CELF2: variants seen among roughly 807,000 people sequenced by gnomAD.
CELF2 encodes CUGBP Elav-like family member 2, also known as CUG triplet repeat RNA-binding protein 2.
CELF2 carries 8 observed loss-of-function variants against 62.6 expected under a neutral mutation model. The ratio of observed to expected loss-of-function variants is 0.13; its 90% CI spans 0.07 to 0.23. The LOEUF (loss-of-function observed/expected upper bound fraction) is 0.23. Among genes scored for constraint, CELF2 ranks in the 10% least tolerant of loss-of-function variants. CELF2 has a pLI of 1.00. For missense variants in CELF2, 333 were observed against 671.0 expected, an observed-to-expected ratio of 0.50 and a Z score of 5.56; for synonymous variants, 258 against 250.0, an observed-to-expected ratio of 1.03 and a Z score of -0.30.
rs1291892 is a variant in CELF2 at position 11,008,828 on chromosome 10, C to T, written c.53+3388C>T. Reference sequence around the variant, plus strand: ...TTTCTTTGTATGGAGATTTCTGTAACAGTCATTAACAGAATGCAGTTTGTT... The same window carrying T: ...TTTCTTTGTATGGAGATTTCTGTAATAGTCATTAACAGAATGCAGTTTGTT... On this transcript the variant is annotated intron_variant, in intron 1 of 12. Coordinates refer to the CELF2 transcript ENST00000416382. This position sits in a 1 kb window ranked among gnomAD's most constrained non-coding sequence, Gnocchi z 4.5. Among the ~76,000 whole-genome samples the T allele has an allele frequency of 0.075, 11,471 of 152,140 alleles. 1,473 individuals carry two copies. The highest frequency in any genetic ancestry group is 0.26 in the African/African-American group (10,814 of 41,436).
rs2094907626 is a variant in CELF2, at chr10:11,315,644, C to T, written c.1096+1386C>T. Among the ~76,000 whole-genome samples, 1 of 152,200 alleles carries T rather than the reference C, an allele frequency of 6.6e-6. No individual in the cohort carries two copies. The highest frequency in any genetic ancestry group is 2.1e-4 in the South Asian group (1 of 4,838). On this transcript the variant is annotated intron_variant, in intron 10 of 12. Coordinates refer to ENST00000633077, the MANE Select transcript of CELF2 (RefSeq NM_001326342.2). This position sits in a 1 kb window ranked among gnomAD's most constrained non-coding sequence, Gnocchi z 5.8. ...TGGACCGAGCTTTAGCTGACCATACCTCCCAAATGGGACGGCTCGTGATTA... is the reference window on the plus strand; with the variant it reads ...TGGACCGAGCTTTAGCTGACCATACTTCCCAAATGGGACGGCTCGTGATTA...
chr10:11,292,668 G>A (rs115722244), intron 9 of CELF2, among the ~76,000 whole-genome samples: 6 of 152,088 alleles, frequency 3.9e-5, no homozygotes, highest in African/African-American at 1.4e-4. Context: ...GGGACAGACA[G>A]GTGGACAAAG....
At chr10:11,307,966 G>T (rs1243752675) in intron 9 of CELF2, among the ~76,000 whole-genome samples, 1 of 152,216 alleles carries the variant, frequency 6.6e-6, no homozygotes, top group African/African-American at 2.4e-5. Flanking sequence ...GCTGTAAGAT[G>T]ACGTTCTGCA....
chr10:10,574,683 T>C, the CELF2 span, among the ~76,000 whole-genome samples: 3 of 148,966 alleles, frequency 2.0e-5, no homozygotes, highest in African/African-American at 5.1e-5. Flanking sequence ...TAGCTGGCAG[T>C]ATGTATGTTA....
At chr10:11,183,241 G>C (rs1588516359) in intron 2 of CELF2, among the ~76,000 whole-genome samples, 1 of 152,120 alleles carries the variant, frequency 6.6e-6, no homozygotes, top group East Asian at 1.9e-4. Context: ...TCTTGGATCT[G>C]GCTTCCTTTG....
At chr10:10,565,973 A>G in the CELF2 span, among the ~76,000 whole-genome samples, 2 of 152,182 alleles carry the variant, frequency 1.3e-5, no homozygotes, top group African/African-American at 2.4e-5. Flanking sequence ...CTAATTTTGC[A>G]TCATTTTCTC....
chr10:10,578,251 C>T, the CELF2 span, among the ~76,000 whole-genome samples: 20 of 152,010 alleles, frequency 1.3e-4, no homozygotes, highest in Admixed American at 3.9e-4. Context: ...ATTGTAGATT[C>T]TAGATATTAG....
the CELF2 span, among the ~76,000 whole-genome samples, chr10:10,761,329 T>C: frequency 6.6e-6 from 1 of 152,160 alleles, no homozygotes; most frequent in Admixed American, 6.5e-5. Context: ...AGAAAAAGAT[T>C]ATACAATGAG....
At chr10:10,760,178 A>G in the CELF2 span, among the ~76,000 whole-genome samples, 1 of 152,216 alleles carries the variant, frequency 6.6e-6, no homozygotes, top group Non-Finnish European at 1.5e-5. Context: ...TGCTGGGATT[A>G]TAGACGTGAG....
the CELF2 span, among the ~76,000 whole-genome samples, chr10:10,697,562 G>C: frequency 6.6e-6 from 1 of 152,210 alleles, no homozygotes; most frequent in Admixed American, 6.5e-5. Flanking sequence ...CTAGAGGCTG[G>C]GAAGTCTGAG....
Position 11,321,395 on chromosome 10 carries a change from C to T in CELF2, c.1294+9C>T, listed in dbSNP as rs551790830. 8.7e-5 allele frequency: 140 copies of T among 1,601,024 alleles called. No individual in the cohort carries two copies. Among genetic ancestry groups the T allele is most frequent in the African/African-American group, 1.7e-4 (13 of 75,028 alleles). ...AGGCAGCCAGAAGGAAGGTAGGTGC[C>T]GCCCTTGGCCCCAGGCAGGGCCCAG... is the stretch of plus-strand genomic sequence containing the variant. On this transcript the variant is annotated intron_variant, in intron 11 of 12. Transcript: ENST00000633077. The surrounding 1 kb of genome is among the most constrained non-coding windows in gnomAD (Gnocchi z 6.2).
intron 1 of CELF2, among the ~76,000 whole-genome samples, chr10:11,116,789 A>G (rs1053288434): frequency 2.0e-5 from 3 of 152,250 alleles, no homozygotes; most frequent in Non-Finnish European, 2.9e-5. Context: ...AAAATTCATC[A>G]GTAAGTTGTT....
rs2093188211 is a variant in CELF2, at chr10:11,296,410, A to G, written c.976+7858A>G. ...CCACTTAATGAGATTTTTTATTCTC[A>G]CTAAATCACAGAAATTTTTATTTCT... On this transcript the variant is annotated intron_variant, in intron 9 of 12. Transcript: ENST00000633077. The surrounding 1 kb of genome is among the most constrained non-coding windows in gnomAD (Gnocchi z 5.0). Among the ~76,000 whole-genome samples, 1 of 152,182 alleles carries G rather than the reference A, an allele frequency of 6.6e-6. No individual in the cohort carries two copies. Among genetic ancestry groups the G allele is most frequent in the African/African-American group, 2.4e-5 (1 of 41,432 alleles).
chr10:11,164,754 A>G (rs1350455599), intron 1 of CELF2, among the ~76,000 whole-genome samples: 1 of 151,612 alleles, frequency 6.6e-6, no homozygotes, highest in Non-Finnish European at 1.5e-5. Context: ...TGGGTCCCAT[A>G]AACAATGTGC....
the CELF2 span, among the ~76,000 whole-genome samples, chr10:10,730,499 G>A: frequency 6.6e-6 from 1 of 152,108 alleles, no homozygotes; most frequent in Non-Finnish European, 1.5e-5. Flanking sequence ...TAAAAAAAAA[G>A]TAGGTCTTTT....
chr10:10,702,848 T>C, the CELF2 span, among the ~76,000 whole-genome samples: 1 of 152,350 alleles, frequency 6.6e-6, no homozygotes, highest in South Asian at 2.1e-4. Flanking sequence ...CCTCCCAAAG[T>C]GCTGGGATTA....
At chr10:10,908,214 ATTTTT>A (rs796857171) in intron 1 of CELF2, among the ~76,000 whole-genome samples, 20 of 83,738 alleles carry the variant, frequency 2.4e-4, no homozygotes, top group South Asian at 5.4e-4. Context: ...GTATGAGGGG[ATTTTT>A]TTTTTTTTTT....
chr10:10,788,593 G>T, the CELF2 span, among the ~76,000 whole-genome samples: 4 of 150,230 alleles, frequency 2.7e-5, no homozygotes, highest in Non-Finnish European at 4.4e-5. Context: ...CTCCCAAGTA[G>T]CTGGGATCAC....
At chr10:11,188,139 C>T (rs2134320167) in intron 2 of CELF2, among the ~76,000 whole-genome samples, 1 of 152,314 alleles carries the variant, frequency 6.6e-6, no homozygotes, top group East Asian at 1.9e-4. Context: ...GAGTTTCGCT[C>T]TTGTTGCCCA....
Sources: allele counts gnomAD v4.1 joint callset (sites outside exome capture counted in the v4.1 genomes callset), GRCh38; gene constraint gnomAD v4.1.1; non-coding constraint Gnocchi (gnomAD v3.1); transcripts MANE v1.5; gene names NCBI Gene and HGNC (gene_info 2026-07-23, HGNC 2026-07-21).